The following PLCH1 variants were observed in gnomAD, a reference collection of about 807,000 sequenced individuals.
The protein encoded by PLCH1 is 1-phosphatidylinositol 4,5-bisphosphate phosphodiesterase eta-1.
PLCH1 carries 60 observed loss-of-function variants against 126.7 expected under a neutral mutation model. The ratio of observed to expected loss-of-function variants is 0.47; its 90% CI spans 0.38 to 0.59. The LOEUF is 0.59. Among genes scored for constraint, PLCH1 ranks in the 20% least tolerant of loss-of-function variants. The probability of loss-of-function intolerance (pLI) is 0.00; values close to 1 mark genes in which losing one functional copy is unlikely to be tolerated. For synonymous variants in PLCH1, 719 were observed against 734.9 expected, an observed-to-expected ratio of 0.98 and a Z score of 0.35; for missense variants, 1,723 against 2,040.0, an observed-to-expected ratio of 0.84 and a Z score of 2.99.
At chr3:155,676,169 A>G in intron 2 of PLCH1, 1 of 1,342,004 alleles carries the variant, frequency 7.5e-7, no homozygotes, top group Non-Finnish European at 9.6e-7. Flanking sequence ...AGCAGCCCCC[A>G]GAACTTGGCT....
chr3:155,502,278 T>C (rs1718021555), intron 13 of PLCH1, among the ~76,000 whole-genome samples: 1 of 152,046 alleles, frequency 6.6e-6, no homozygotes, highest in Admixed American at 6.6e-5. Context: ...CAAAGGATTA[T>C]TGTTGTGATG....
At chr3:155,604,097 CTCAA>C (rs370307550) in intron 2 of PLCH1, among the ~76,000 whole-genome samples, 10 of 152,040 alleles carry the variant, frequency 6.6e-5, no homozygotes, top group African/African-American at 2.4e-4. Flanking sequence ...AGACCCTAGA[CTCAA>C]TCAATCAATC....
At chr3:155,735,004 C>T (rs1749068029) in intron 1 of PLCH1, among the ~76,000 whole-genome samples, 1 of 152,126 alleles carries the variant, frequency 6.6e-6, no homozygotes, top group South Asian at 2.1e-4. Context: ...CCACCGCGCC[C>T]AGCCTATACA....
chr3:155,668,423 T>C (rs1374478240), intron 2 of PLCH1, among the ~76,000 whole-genome samples: 1 of 152,328 alleles, frequency 6.6e-6, no homozygotes, highest in East Asian at 1.9e-4. Flanking sequence ...CATTGATTCT[T>C]ATCTTCGTGG....
chr3:155,691,455 T>C (rs1242916499), intron 2 of PLCH1, among the ~76,000 whole-genome samples: 1 of 152,190 alleles, frequency 6.6e-6, no homozygotes, highest in Non-Finnish European at 1.5e-5. Flanking sequence ...GCCGGAGATA[T>C]TGTGCAAAAC....
At chr3:155,622,442 C>T (rs1164994099) in intron 2 of PLCH1, among the ~76,000 whole-genome samples, 8 of 152,242 alleles carry the variant, frequency 5.3e-5, no homozygotes, top group Non-Finnish European at 1.2e-4. Context: ...GGGCTAAATG[C>T]CCCCAGTTAA....
chr3:155,566,187 A>G (rs1291533070), intron 7 of PLCH1, among the ~76,000 whole-genome samples: 3 of 63,112 alleles, frequency 4.8e-5, no homozygotes, highest in East Asian at 2.7e-4. Flanking sequence ...ATATACACAT[A>G]TATATACACA....
At chr3:155,519,452 A>C (rs901179863) in intron 11 of PLCH1, among the ~76,000 whole-genome samples, 1 of 152,188 alleles carries the variant, frequency 6.6e-6, no homozygotes, top group Non-Finnish European at 1.5e-5. Context: ...TGTCTCCAGC[A>C]TGAAGCTAAA....
At chr3:155,541,741 A>G (rs954964332) in intron 10 of PLCH1, among the ~76,000 whole-genome samples, 1 of 152,198 alleles carries the variant, frequency 6.6e-6, no homozygotes, top group Non-Finnish European at 1.5e-5. Context: ...CAGAGACACA[A>G]AGTGAGCCCA....
chr3:155,657,101 A>T (rs540390303), intron 2 of PLCH1, among the ~76,000 whole-genome samples: 10 of 151,994 alleles, frequency 6.6e-5, no homozygotes, highest in African/African-American at 2.4e-4. Context: ...GCTGATTCTT[A>T]AGTTAAAAAA....
At chr3:155,579,952 A>G (rs1730449075) in intron 6 of PLCH1, among the ~76,000 whole-genome samples, 1 of 152,152 alleles carries the variant, frequency 6.6e-6, no homozygotes, top group African/African-American at 2.4e-5. Flanking sequence ...CAGAGGCAAT[A>G]AACAACAGAA....
At chr3:155,554,408 G>T (rs1726540903) in intron 8 of PLCH1, among the ~76,000 whole-genome samples, 1 of 152,116 alleles carries the variant, frequency 6.6e-6, no homozygotes, top group South Asian at 2.1e-4. Context: ...ACAATGATTT[G>T]GTTTTGAGTG....
At chr3:155,689,788 T>G (rs571967477) in intron 2 of PLCH1, among the ~76,000 whole-genome samples, 8 of 151,934 alleles carry the variant, frequency 5.3e-5, no homozygotes, top group Admixed American at 4.6e-4. Context: ...ATCTAAAAAA[T>G]AGCCTCAAAA....
At chr3:155,629,966 G>A (rs1022530654) in intron 2 of PLCH1, among the ~76,000 whole-genome samples, 10 of 152,168 alleles carry the variant, frequency 6.6e-5, no homozygotes, top group African/African-American at 2.4e-4. Context: ...GACAAGTCCT[G>A]TCCACCCAAT....
intron 22 of PLCH1, among the ~76,000 whole-genome samples, chr3:155,484,240 C>T (rs1429021317): frequency 6.6e-6 from 1 of 152,152 alleles, no homozygotes; most frequent in African/African-American, 2.4e-5. Context: ...ATGGTATTAA[C>T]ATCTTAACTG....
intron 21 of PLCH1, chr3:155,486,874 A>G (rs1395813192): frequency 6.6e-6 from 1 of 152,204 alleles, no homozygotes; most frequent in African/African-American, 2.4e-5. Context: ...CCTCAATGTG[A>G]TAAATGCTAG....
intron 1 of PLCH1, among the ~76,000 whole-genome samples, chr3:155,736,723 A>G (rs1425958048): frequency 6.6e-6 from 1 of 152,172 alleles, no homozygotes; most frequent in Non-Finnish European, 1.5e-5. Flanking sequence ...ATAAAATGCA[A>G]TGAGGCTTAT....
At chr3:155,701,146 T>G (rs1031593042) in intron 2 of PLCH1, among the ~76,000 whole-genome samples, 3 of 152,206 alleles carry the variant, frequency 2.0e-5, no homozygotes, top group Admixed American at 1.3e-4. Context: ...CATTCCTGCC[T>G]CTGAAATGTG....
At chr3:155,570,180 CT>C (rs939196676) in intron 6 of PLCH1, among the ~76,000 whole-genome samples, 3 of 152,174 alleles carry the variant, frequency 2.0e-5, no homozygotes, top group African/African-American at 4.8e-5. Context: ...TCCCCATCCC[CT>C]GATCTCATTT....
Sources: gnomAD v4.1 joint callset for allele counts (sites outside exome capture counted in the v4.1 genomes callset) on GRCh38, gnomAD v4.1.1 for gene constraint, MANE v1.5 for transcripts, NCBI Gene and HGNC (gene_info 2026-07-23, HGNC 2026-07-21) for gene names.